Variants in CLN6 observed in about 807,000 individuals in gnomAD.
CLN6 encodes the protein ceroid-lipofuscinosis neuronal protein 6.
A neutral mutation model predicts 33.3 loss-of-function variants in CLN6; 22 were observed. That is an observed-to-expected ratio of 0.66 (90% CI 0.47 to 0.94). The LOEUF (loss-of-function observed/expected upper bound fraction) is 0.94. CLN6 is among the 40% of genes least tolerant of loss of function. CLN6 has a pLI of 0.00. For synonymous variants in CLN6, 201 were observed against 174.6 expected (o/e 1.15, Z -1.19); for missense variants, 387 against 417.1 (o/e 0.93, Z 0.63).
At chr15:68,215,112 C>T (rs932977732) in intron 2 of CLN6, 2 of 152,502 alleles carry the variant, frequency 1.3e-5, no homozygotes, top group Admixed American at 1.3e-4. Context: ...TTTCACAACC[C>T]CCAAACTGTA....
upstream of CLN6, among the ~76,000 whole-genome samples, chr15:68,230,961 CAGAAGGGATGTGCCTCTT>C (rs1355731333): frequency 2.6e-5 from 4 of 152,228 alleles, no homozygotes; most frequent in Non-Finnish European, 5.9e-5. This position sits in a 1 kb window ranked among gnomAD's most constrained non-coding sequence, Gnocchi z 4.0. Context: ...CAAGCCGCTG[CAGAAGGGATGTGCCTCTT>C]GGAAGGGATG....
chr15:68,218,469 G>T, intron 2 of CLN6, 67 bp downstream of exon 2: 1 of 1,168,554 alleles, frequency 8.6e-7, no homozygotes, highest in Non-Finnish European at 1.3e-6. Context: ...AAGGTCACTC[G>T]GCAAATTCAA....
rs1453877760 is a variant in CLN6 at position 68,219,613 on chromosome 15, C to G, written c.84-963G>C. Reference sequence around the variant, plus strand: ...TGATGAAGCTTTTCCCAAAGCCCCACCAGCCCACTGCAGGGAGCATTTCAA... The same window carrying G: ...TGATGAAGCTTTTCCCAAAGCCCCAGCAGCCCACTGCAGGGAGCATTTCAA... On this transcript the variant is annotated intron_variant, in intron 1 of 6. Transcript: ENST00000249806. The surrounding 1 kb of genome is among the most constrained non-coding windows in gnomAD (Gnocchi z 4.2). Among the ~76,000 whole-genome samples the G allele has an allele frequency of 6.6e-6, 1 of 152,204 alleles. No individual in the cohort carries two copies.
chr15:68,229,756 GA>G (rs1458159980), upstream of CLN6: 18 of 99,058 alleles, frequency 1.8e-4, no homozygotes, highest in Non-Finnish European at 2.1e-4. Flanking sequence ...GGGCGGGGCG[GA>G]GCGGAGCGGA....
At chr15:68,222,018 G>T (rs1267327333) in intron 1 of CLN6, among the ~76,000 whole-genome samples, 1 of 145,964 alleles carries the variant, frequency 6.9e-6, no homozygotes. Flanking sequence ...AAGCGCCTCT[G>T]CCCGGCTGCC....
intron 1 of CLN6, among the ~76,000 whole-genome samples, chr15:68,252,918 AT>A (rs1402060984): frequency 6.6e-6 from 1 of 152,210 alleles, no homozygotes. Flanking sequence ...TCAAGCTAGT[AT>A]TACCTCTGGT....
rs1435254191 is a variant in CLN6 at position 68,229,507 on chromosome 15, C to T, written c.78G>A (p.Gln26=). 1.4e-6 allele frequency: 2 copies of T among 1,467,358 alleles called. No individual in the cohort carries two copies. Among genetic ancestry groups the T allele is most frequent in the South Asian group, 1.3e-5 (1 of 77,976 alleles). 90.9% of individuals were successfully genotyped at this position (1,467,358 alleles called of 1,614,324 possible). A position where few individuals can be genotyped will look rare whatever the true frequency, so the allele number is the denominator to read the frequency against. The stretch of plus-strand genomic sequence containing the variant: ...TCACCCCGGCGCGCGCCCACCTGGC[C>T]TGCAGGAAGGAGGCGCCCAGCTGCG... ...PGAQLGASFL[Q]ARHGSVSADE... Residue 26 remains glutamine, a synonymous_variant, in exon 1 of 7, where the codon CAG becomes CAA. Coordinates refer to ENST00000249806, the MANE Select transcript of CLN6 (RefSeq NM_017882.3).
chr15:68,224,687 G>A (rs373186760), intron 1 of CLN6, among the ~76,000 whole-genome samples: 31 of 150,190 alleles, frequency 2.1e-4, no homozygotes, highest in Middle Eastern at 3.5e-3. Context: ...CTCTGCCCAC[G>A]GGAGGCAGAT....
At chr15:68,215,506 T>A (rs1339867028) in intron 2 of CLN6, 2 of 152,108 alleles carry the variant, frequency 1.3e-5, no homozygotes, top group Non-Finnish European at 2.9e-5. Context: ...TTTTTTTTCT[T>A]TTTTCTTTTT....
chr15:68,211,224 T>C lies in CLN6; in HGVS notation c.542+39A>G, dbSNP rs1280393677. 37 of 1,597,520 alleles carry C rather than the reference T, an allele frequency of 2.3e-5. No homozygotes were observed. The highest frequency in any genetic ancestry group is 4.0e-5 in the African/African-American group (3 of 74,602). ...AGCCAGTGACAGGGCTAGCCGGTAG[T>C]TGGGGCCCCTGGGATAGACAGATGG... is the stretch of plus-strand genomic sequence containing the variant. On this transcript the variant is annotated intron_variant, in intron 5 of 6. Coordinates refer to ENST00000249806, the MANE Select transcript of CLN6 (RefSeq NM_017882.3). This position sits in a 1 kb window ranked among gnomAD's most constrained non-coding sequence, Gnocchi z 5.9.
intron 1 of CLN6, among the ~76,000 whole-genome samples, chr15:68,225,676 C>G (rs1042867996): frequency 6.6e-6 from 1 of 152,102 alleles, no homozygotes; most frequent in Non-Finnish European, 1.5e-5. Context: ...TTCCTTTTTT[C>G]TAAAAGGAAT....
intron 1 of CLN6, among the ~76,000 whole-genome samples, chr15:68,255,307 ACC>A (rs34086056): frequency 6.3e-4 from 96 of 151,876 alleles, no homozygotes; most frequent in African/African-American, 1.7e-3. Flanking sequence ...GTTGGACCTG[ACC>A]CCCCCCAATA....
In CLN6 at chr15:68,240,997, A is replaced by C. The variant is rs573247209; in HGVS notation, c.179+15693T>G. Among the ~76,000 whole-genome samples, 197 of 151,440 alleles carry C rather than the reference A, an allele frequency of 1.3e-3. 1 individual carries two copies. Among genetic ancestry groups the C allele is most frequent in the African/African-American group, 4.5e-3 (185 of 41,350 alleles). The stretch of plus-strand genomic sequence containing the variant: ...AGCCTCCATCTCCCAAAAAAAAAAA[A>C]CAAAAAAAAAAACACAGTAGCATTC... On this transcript the variant is annotated intron_variant, in intron 1 of 6. Coordinates refer to the CLN6 transcript ENST00000538696.
chr15:68,252,472 T>G (rs1236000955), intron 1 of CLN6, among the ~76,000 whole-genome samples: 2 of 152,200 alleles, frequency 1.3e-5, no homozygotes, highest in African/African-American at 4.8e-5. Context: ...AATTAACAAA[T>G]TTAGTAGCAA....
At chr15:68,232,961 T>C (rs1372168850), upstream of CLN6, among the ~76,000 whole-genome samples, 3 of 152,134 alleles carry the variant, frequency 2.0e-5, no homozygotes, top group African/African-American at 7.2e-5. The surrounding 1 kb of genome is among the most constrained non-coding windows in gnomAD (Gnocchi z 4.7). Flanking sequence ...AGAAATTGCA[T>C]GAACCCAGGA....
chr15:68,229,415 C>A, intron 1 of CLN6, 87 bp downstream of exon 1: 1 of 1,091,574 alleles, frequency 9.2e-7, no homozygotes, highest in Non-Finnish European at 1.2e-6. Flanking sequence ...GGTTCCCGCC[C>A]GGCAGCCCTA....
intron 1 of CLN6, among the ~76,000 whole-genome samples, chr15:68,239,861 C>T (rs1036741792): frequency 6.6e-6 from 1 of 152,144 alleles, no homozygotes; most frequent in East Asian, 1.9e-4. Flanking sequence ...CCAGCCTCAA[C>T]AAATTTCAAG....
Position 68,227,415 on chromosome 15 carries a change from T to C in CLN6, c.83+2087A>G, listed in dbSNP as rs1384516638. ...CGTTGGAATGGGTTACCTTAAGAGG[T>C]AGTGAGCAAAGCACGGATGCAGCAG... On this transcript the variant is annotated intron_variant, in intron 1 of 6. Coordinates refer to ENST00000249806, the MANE Select transcript of CLN6 (RefSeq NM_017882.3). This position sits in a 1 kb window ranked among gnomAD's most constrained non-coding sequence, Gnocchi z 4.1. 2.6e-5 allele frequency among the ~76,000 whole-genome samples: 4 copies of C among 152,156 alleles called. No homozygotes were observed. Among genetic ancestry groups the C allele is most frequent in the African/African-American group, 9.7e-5 (4 of 41,420 alleles).
rs762902907 is a variant in CLN6 at position 68,211,306 on chromosome 15, C to CA, written c.498dup (p.Glu167Ter). On this transcript the variant is annotated frameshift_variant, in exon 5 of 7. Transcript: ENST00000249806. LOFTEE classifies it high-confidence loss of function. This position sits in a 1 kb window ranked among gnomAD's most constrained non-coding sequence, Gnocchi z 5.9. ...TACTCATCATAATAGTAGAGCAGCT[C>CA]AAAGGAGTCGATCTGAGGGAGGAAC... 2 of 1,613,994 alleles carry CA rather than the reference C, an allele frequency of 1.2e-6. No homozygotes were observed. Among genetic ancestry groups the CA allele is most frequent in the African/African-American group, 2.7e-5 (2 of 75,030 alleles).
Sources: allele counts gnomAD v4.1 joint callset (sites outside exome capture counted in the v4.1 genomes callset), GRCh38; gene constraint gnomAD v4.1.1; non-coding constraint Gnocchi (gnomAD v3.1); transcripts MANE v1.5; gene names NCBI Gene and HGNC (gene_info 2026-07-23, HGNC 2026-07-21).